Variants in MRTFA observed in about 807,000 individuals in gnomAD.
The protein encoded by MRTFA is myocardin related transcription factor A.
A neutral mutation model predicts 83.5 loss-of-function variants in MRTFA; 20 were observed. The observed-to-expected ratio is 0.24, with a 90% CI of 0.17 to 0.35. The LOEUF is 0.35. Ranked by LOEUF, MRTFA falls within the 10% of genes least tolerant of loss-of-function variation. The probability of loss-of-function intolerance (pLI) is 1.00; values close to 1 mark genes in which losing one functional copy is unlikely to be tolerated. For missense variants in MRTFA, 1,200 were observed against 1,224.7 expected (o/e 0.98, Z 0.30); for synonymous variants, 659 against 541.2 (o/e 1.22, Z -3.02).
intron 3 of MRTFA, among the ~76,000 whole-genome samples, chr22:40,510,459 CT>C (rs2054649860): frequency 6.6e-6 from 1 of 151,878 alleles, no homozygotes; most frequent in Non-Finnish European, 1.5e-5. Context: ...CCGAAATGTT[CT>C]CCAGAAACAG....
chr22:40,606,818 A>G (rs2056323547), intron 1 of MRTFA, among the ~76,000 whole-genome samples: 1 of 152,158 alleles, frequency 6.6e-6, no homozygotes, highest in South Asian at 2.1e-4. Flanking sequence ...TTCCTAACAA[A>G]GCCAAAGGAG....
intron 3 of MRTFA, among the ~76,000 whole-genome samples, chr22:40,536,207 G>T (rs1359926605): frequency 6.6e-6 from 1 of 151,858 alleles, no homozygotes; most frequent in African/African-American, 2.4e-5. Flanking sequence ...GGAGGTTGAG[G>T]CAGGAGGATC....
At chr22:40,516,422 G>GAAAAAAAAAAAAAA (rs56745896) in intron 3 of MRTFA, among the ~76,000 whole-genome samples, 1 of 47,014 alleles carries the variant, frequency 2.1e-5, no homozygotes, top group Non-Finnish European at 4.3e-5. Flanking sequence ...ACTGCCTCAA[G>GAAAAAAAAAAAAAA]AAAAAAAAAA....
chr22:40,459,834 T>C (rs975613862), intron 4 of MRTFA, among the ~76,000 whole-genome samples: 24 of 98,496 alleles, frequency 2.4e-4, no homozygotes, highest in East Asian at 5.0e-4. Context: ...TATATACATA[T>C]ATATATATAT....
At chr22:40,512,948 A>C (rs914903964) in intron 3 of MRTFA, among the ~76,000 whole-genome samples, 1 of 152,232 alleles carries the variant, frequency 6.6e-6, no homozygotes, top group Non-Finnish European at 1.5e-5. Context: ...AATTCTCTAA[A>C]TTTTATTTTA....
intron 3 of MRTFA, among the ~76,000 whole-genome samples, chr22:40,531,285 T>C (rs36114860): frequency 2.1e-5 from 3 of 144,336 alleles, no homozygotes; most frequent in African/African-American, 7.7e-5. Flanking sequence ...TTTTTTTTTT[T>C]AATTTTTTGT....
chr22:40,578,902 G>C (rs555888337), intron 2 of MRTFA, among the ~76,000 whole-genome samples: 120 of 152,214 alleles, frequency 7.9e-4, no homozygotes, highest in African/African-American at 2.7e-3. Flanking sequence ...CAGTCTGGGT[G>C]AGAGTGAGAC....
chr22:40,434,653 C>T (rs773189343), intron 5 of MRTFA, among the ~76,000 whole-genome samples: 20 of 152,062 alleles, frequency 1.3e-4, no homozygotes, highest in Non-Finnish European at 2.6e-4. Flanking sequence ...ATCTGGTAGG[C>T]GGAGGCTGCG....
chr22:40,418,586 G>A lies in MRTFA; in HGVS notation c.2152C>T (p.Pro718Ser). Reference sequence around the variant, plus strand: ...TCCTGCTTCACCACCACGGACGGGGGCCCCGGGGCCACAGCACAAGGGTCT... The same window carrying A: ...TCCTGCTTCACCACCACGGACGGGGACCCCGGGGCCACAGCACAAGGGTCT... Residue 718 changes from proline (P) to serine (S), a missense_variant, in exon 12 of 15, where the codon CCC (proline) becomes TCC (serine). Physicochemically the swap from Pro to Ser is moderately conservative, Grantham distance 74. Transcript: ENST00000355630. 1 of 1,549,644 alleles carries A rather than the reference G, an allele frequency of 6.5e-7. No homozygotes were observed. The highest frequency in any genetic ancestry group is 2.1e-5 in the Admixed American group (1 of 47,418).
At chr22:40,451,975 G>GTTTTTTTTTTTTTTTTTTTTT (rs771103539) in intron 4 of MRTFA, among the ~76,000 whole-genome samples, 3 of 80,480 alleles carry the variant, frequency 3.7e-5, no homozygotes, top group South Asian at 4.8e-4. Context: ...TTTTTTTTTG[G>GTTTTTTTTTTTTTTTTTTTTT]TTTTTTTTTT....
chr22:40,574,371 T>C (rs926006150), intron 2 of MRTFA, among the ~76,000 whole-genome samples: 3 of 152,130 alleles, frequency 2.0e-5, no homozygotes, highest in Non-Finnish European at 4.4e-5. Context: ...TTTCTGTTCT[T>C]ACCATTATTC....
chr22:40,593,139 C>T (rs984896585), intron 2 of MRTFA, among the ~76,000 whole-genome samples: 21 of 152,152 alleles, frequency 1.4e-4, no homozygotes, highest in African/African-American at 4.8e-4. Context: ...CGCCAGTCTC[C>T]ACCCTGCCTT....
intron 1 of MRTFA, among the ~76,000 whole-genome samples, chr22:40,629,520 G>C (rs2056618149): frequency 6.6e-6 from 1 of 151,752 alleles, no homozygotes; most frequent in East Asian, 1.9e-4. Flanking sequence ...CCAATACTTT[G>C]GGAGGCCGAG....
At chr22:40,478,591 A>C (rs1451961463) in intron 3 of MRTFA, among the ~76,000 whole-genome samples, 2 of 152,104 alleles carry the variant, frequency 1.3e-5, no homozygotes, top group Non-Finnish European at 2.9e-5. Context: ...CTCCACTCCT[A>C]AACTCCTCGT....
chr22:40,535,014 ACTTC>A (rs2055143519), intron 3 of MRTFA, among the ~76,000 whole-genome samples: 1 of 152,110 alleles, frequency 6.6e-6, no homozygotes, highest in South Asian at 2.1e-4. Context: ...AGAGAGAAAA[ACTTC>A]CTTCCTTTCT....
intron 4 of MRTFA, among the ~76,000 whole-genome samples, chr22:40,457,432 GAAAGAGAA>G (rs1468350096): frequency 7.7e-5 from 7 of 90,848 alleles, no homozygotes; most frequent in African/African-American, 3.0e-4. Flanking sequence ...ATGAAAGAAA[GAAAGAGAA>G]AGAAAGAAAG....
chr22:40,498,179 G>C (rs556811918), intron 3 of MRTFA, among the ~76,000 whole-genome samples: 6 of 144,526 alleles, frequency 4.2e-5, no homozygotes, highest in African/African-American at 1.5e-4. Context: ...TACAAATATA[G>C]CATGCACTTA....
At chr22:40,465,440 T>TA (rs1198848896) in intron 3 of MRTFA, among the ~76,000 whole-genome samples, 7 of 152,192 alleles carry the variant, frequency 4.6e-5, no homozygotes, top group Admixed American at 4.6e-4. Context: ...ACTAAATCGA[T>TA]AAAAACAGCA....
chr22:40,457,763 T>A (rs1228418872), intron 4 of MRTFA, among the ~76,000 whole-genome samples: 1 of 152,210 alleles, frequency 6.6e-6, no homozygotes, highest in African/African-American at 2.4e-5. Flanking sequence ...GAGGGTTAAC[T>A]GTAGCATTAG....
Sources: gnomAD v4.1 joint callset for allele counts (sites outside exome capture counted in the v4.1 genomes callset) on GRCh38, gnomAD v4.1.1 for gene constraint, MANE v1.5 for transcripts, NCBI Gene and HGNC (gene_info 2026-07-23, HGNC 2026-07-21) for gene names.